The following IFNGR1 variants were observed in gnomAD, a reference collection of about 807,000 sequenced individuals.
IFNGR1 encodes the protein interferon gamma receptor 1.
A neutral mutation model predicts 35.4 loss-of-function variants in IFNGR1; 23 were observed. That is an observed-to-expected ratio of 0.65 (90% CI 0.47 to 0.92). The LOEUF (loss-of-function observed/expected upper bound fraction) is 0.92. Among genes scored for constraint, IFNGR1 ranks in the 40% least tolerant of loss-of-function variants. The pLI is 0.00. For missense variants in IFNGR1, 533 were observed against 583.4 expected, an observed-to-expected ratio of 0.91 and a Z score of 0.89; for synonymous variants, 199 against 209.5, an observed-to-expected ratio of 0.95 and a Z score of 0.43.
rs924209502 is a variant in IFNGR1, at chr6:137,203,496, T to C, written c.733+3A>G. 3 of 1,533,756 alleles carry C rather than the reference T, an allele frequency of 2.0e-6. No individual in the cohort carries two copies. The highest frequency in any genetic ancestry group is 2.7e-6 in the Non-Finnish European group (3 of 1,106,792). ...ATTTAGAAAAAAAATGGCAAGAACT[T>C]ACCTTTTATACTGCTATTGAAAATG... On this transcript the variant is annotated splice_donor_region_variant and intron_variant, in intron 5 of 6. Coordinates refer to ENST00000367739, the MANE Select transcript of IFNGR1 (RefSeq NM_000416.3).
At chr6:137,203,796 C>T in intron 4 of IFNGR1, 111 bp from the exon 5 acceptor site, 3 of 869,170 alleles carry the variant, frequency 3.5e-6, no homozygotes, top group Admixed American at 4.8e-5. Context: ...ATATGATTGA[C>T]TTGAACATGT....
At chr6:137,204,035 G>A (rs1024147857) in intron 4 of IFNGR1, among the ~76,000 whole-genome samples, 5 of 152,162 alleles carry the variant, frequency 3.3e-5, no homozygotes, top group African/African-American at 1.2e-4. Context: ...CGCCAATGAG[G>A]AAGAAAATCC....
chr6:137,200,599 C>T (rs946223984), intron 6 of IFNGR1, among the ~76,000 whole-genome samples: 8 of 152,082 alleles, frequency 5.3e-5, no homozygotes, highest in Admixed American at 6.5e-5. Context: ...ATCTATCACA[C>T]GTTATATAGC....
rs201221982 is a variant in IFNGR1 at position 137,203,006 on chromosome 6, TA to T, written c.733+492del. 8.1e-4 allele frequency among the ~76,000 whole-genome samples: 124 copies of T among 152,236 alleles called. 2 individuals carry two copies. In the East Asian group the frequency reaches 0.024, roughly 29 times the overall value. On this transcript the variant is annotated intron_variant, in intron 5 of 6. Transcript: ENST00000367739. The stretch of plus-strand genomic sequence containing the variant: ...TAAAATTAATTATTGTAAAATGTTA[TA>T]AAAATGACCCATTATCTATTATTCA...
At chr6:137,203,847 C>A (rs1562285522) in intron 4 of IFNGR1, 162 bp from the exon 5 acceptor site, 2 of 655,404 alleles carry the variant, frequency 3.1e-6, no homozygotes, top group East Asian at 5.4e-5. Flanking sequence ...TTTGTTACTT[C>A]AACACAGCAC....
chr6:137,213,788 T>C (rs945345607), intron 1 of IFNGR1, among the ~76,000 whole-genome samples: 3 of 152,242 alleles, frequency 2.0e-5, no homozygotes, highest in Non-Finnish European at 4.4e-5. Context: ...CCATTTCCTC[T>C]GCATAGCTGG....
intron 6 of IFNGR1, among the ~76,000 whole-genome samples, chr6:137,200,251 T>G (rs539223262): frequency 1.3e-5 from 2 of 152,244 alleles, no homozygotes; most frequent in Non-Finnish European, 2.9e-5. Flanking sequence ...ATATTATTCC[T>G]GTCATATTTG....
At position 137,198,618 on chromosome 6, in the gene IFNGR1, T is replaced by C. The variant is rs1779160233; in HGVS notation, c.883A>G (p.Thr295Ala). ...TTTGATTCAGGTTTTGTCTCTAAAG[T>C]AGCACTTCTTACCACAGAGATCTAT... ...KSLISVVRSA[T>A]LETKPESKYV... Residue 295 changes from threonine to alanine, a missense_variant, in exon 7 of 7, where the codon ACT becomes GCT. Thr to Ala is a moderately conservative substitution (Grantham distance 58). Coordinates refer to ENST00000367739, the MANE Select transcript of IFNGR1 (RefSeq NM_000416.3). 1.2e-6 allele frequency: 2 copies of C among 1,612,312 alleles called. No individual in the cohort carries two copies. The highest frequency in any genetic ancestry group is 1.7e-6 in the Non-Finnish European group (2 of 1,179,748).
rs1168404211 is a variant in IFNGR1, at chr6:137,197,685, C to T, written c.*346G>A. 1 of 215,592 alleles carries T rather than the reference C, an allele frequency of 4.6e-6. No individual in the cohort carries two copies. Among genetic ancestry groups the T allele is most frequent in the Admixed American group, 5.3e-5 (1 of 18,932 alleles). The allele number at this position is 215,592 out of a possible 1,614,324, so 13.4% of individuals were successfully genotyped here. On this transcript the variant is annotated 3_prime_UTR_variant, in exon 7 of 7. Coordinates refer to ENST00000367739, the MANE Select transcript of IFNGR1 (RefSeq NM_000416.3). ...TACAAAAACATATGCTATACCAAGG[C>T]AGAGAAAAGAAAAAAAGTGAAGTGG...
chr6:137,213,514 A>G (rs1779621853), intron 1 of IFNGR1, among the ~76,000 whole-genome samples: 2 of 151,646 alleles, frequency 1.3e-5, no homozygotes, highest in African/African-American at 4.8e-5. Context: ...TACAATGCAG[A>G]AAAAAAAAGG....
At chr6:137,200,491 T>G (rs554909779) in intron 6 of IFNGR1, among the ~76,000 whole-genome samples, 1 of 152,302 alleles carries the variant, frequency 6.6e-6, no homozygotes, top group Non-Finnish European at 1.5e-5. Context: ...CTCCTGTATG[T>G]CCCTCAAGAC....
At chr6:137,219,163 G>T in intron 1 of IFNGR1, 80 bp downstream of exon 1, 1 of 1,527,856 alleles carries the variant, frequency 6.5e-7, no homozygotes, top group Non-Finnish European at 8.9e-7. Context: ...GGAGAAGCGG[G>T]GCGGGGCTTC....
Position 137,208,542 on chromosome 6 carries a change from C to T in IFNGR1, c.86-1465G>A, listed in dbSNP as rs142228431. Among the ~76,000 whole-genome samples the T allele has an allele frequency of 2.1e-4, 32 of 152,330 alleles. No individual in the cohort carries two copies. In the East Asian group the frequency reaches 5.2e-3, roughly 25 times the overall value. On this transcript the variant is annotated intron_variant, in intron 1 of 6. Transcript: ENST00000367739. ...TGCGTCCCAGCTGCTCCAGCTGTGA[C>T]TGAAAGAGGCCAACATATAGCTCAG...
At chr6:137,200,407 T>C (rs1779250421) in intron 6 of IFNGR1, among the ~76,000 whole-genome samples, 1 of 152,206 alleles carries the variant, frequency 6.6e-6, no homozygotes, top group African/African-American at 2.4e-5. Flanking sequence ...GAAGTGTTTC[T>C]GTATTTGCAG....
At chr6:137,206,646 CA>C in intron 2 of IFNGR1, 1 of 385,978 alleles carries the variant, frequency 2.6e-6, no homozygotes, top group East Asian at 4.8e-5. Context: ...TAACAGTTGT[CA>C]AAAAAGTTTT....
At chr6:137,216,141 C>T (rs2114517536) in intron 1 of IFNGR1, among the ~76,000 whole-genome samples, 1 of 152,272 alleles carries the variant, frequency 6.6e-6, no homozygotes, top group South Asian at 2.1e-4. Flanking sequence ...TATTTTGAAT[C>T]TCTGAAATAA....
rs1000708913 is a variant in IFNGR1, at chr6:137,197,923, T to C, written c.*108A>G. ...ATGTACACTAAGTCACTCCATTTGG[T>C]TGATACCAACTAAGATACAATTTCT... On this transcript the variant is annotated 3_prime_UTR_variant, in exon 7 of 7. Coordinates refer to ENST00000367739, the MANE Select transcript of IFNGR1 (RefSeq NM_000416.3). The C allele has an allele frequency of 4.7e-5, 69 of 1,468,512 alleles. No homozygotes were observed. In the African/African-American group the frequency reaches 8.7e-4, roughly 19 times the overall value. The allele number at this position is 1,468,512 out of a possible 1,614,324, so 91.0% of individuals were successfully genotyped here. A position where few individuals can be genotyped will look rare whatever the true frequency, so the allele number is the denominator to read the frequency against.
rs1327760525 is a variant in IFNGR1 at position 137,206,219 on chromosome 6, G to C, written c.290C>G (p.Ser97Cys). The change falls in exon 3 of 7, where the codon TCT becomes TGT. Residue 97 changes from serine to cysteine, a missense_variant. Physicochemically the swap from Ser to Cys is moderately radical, Grantham distance 112 (BLOSUM62 -1). Coordinates refer to ENST00000367739, the MANE Select transcript of IFNGR1 (RefSeq NM_000416.3). ...CCTGGCTTTAACTCTGACCCAAAGA[G>C]AATTTGATGGATCACCAACATGATC... ...ISDHVGDPSN[S>C]LWVRVKARVG... 6.2e-7 allele frequency: 1 copy of C among 1,612,896 alleles called. No individual in the cohort carries two copies. Among genetic ancestry groups the C allele is most frequent in the East Asian group, 2.2e-5 (1 of 44,868 alleles).
At chr6:137,215,494 C>CTT (rs1338150468) in intron 1 of IFNGR1, 3 of 535,602 alleles carry the variant, frequency 5.6e-6, no homozygotes, top group African/African-American at 3.8e-5. Flanking sequence ...AAAGGCACCC[C>CTT]TTTAATAAGA....
Sources: allele counts gnomAD v4.1 joint callset (sites outside exome capture counted in the v4.1 genomes callset), GRCh38; gene constraint gnomAD v4.1.1; transcripts MANE v1.5; gene names NCBI Gene and HGNC (gene_info 2026-07-23, HGNC 2026-07-21).